SDK2: variants seen among roughly 807,000 people sequenced by gnomAD.
SDK2 encodes protein sidekick-2.
Under a neutral mutation model 253.9 loss-of-function variants are expected in SDK2, and 105 were observed. The observed-to-expected ratio is 0.41, with a 90% CI of 0.35 to 0.49. SDK2 has a LOEUF of 0.49. Among genes scored for constraint, SDK2 ranks in the 20% least tolerant of loss-of-function variants. The probability of loss-of-function intolerance (pLI) is 0.06; values close to 1 mark genes in which losing one functional copy is unlikely to be tolerated. For synonymous variants in SDK2, 1,249 were observed against 1,234.9 expected, an observed-to-expected ratio of 1.01 and a Z score of -0.24; for missense variants, 2,608 against 3,003.0, an observed-to-expected ratio of 0.87 and a Z score of 3.07.
At chr17:73,544,613 G>A (rs918922905) in intron 1 of SDK2, among the ~76,000 whole-genome samples, 4 of 152,118 alleles carry the variant, frequency 2.6e-5, no homozygotes, top group Non-Finnish European at 4.4e-5. Flanking sequence ...ATGGACAGAT[G>A]GATAATGGAT....
At chr17:73,423,575 C>T (rs776096418) in intron 13 of SDK2, 53 bp from the exon 14 acceptor site, 98 of 1,461,520 alleles carry the variant, frequency 6.7e-5, no homozygotes, top group Admixed American at 9.2e-5. Flanking sequence ...AGGCAGGTGA[C>T]GGGGGCGCTG....
chr17:73,516,978 G>A (rs966555022), intron 1 of SDK2: 2 of 152,180 alleles, frequency 1.3e-5, no homozygotes, highest in African/African-American at 4.8e-5. Flanking sequence ...AAGGAGGGCT[G>A]TGTGCCCTGG....
rs1055687241 is a variant in SDK2 at position 73,383,074 on chromosome 17, G to A, written c.4705+802C>T. ...AAACCTCAAGTCCTGGAGCATCTGC[G>A]CCCATCACATATCATCTCCCATACT... On this transcript the variant is annotated intron_variant, in intron 33 of 44. Transcript: ENST00000392650. The surrounding 1 kb of genome is among the most constrained non-coding windows in gnomAD (Gnocchi z 4.3). 5.3e-5 allele frequency among the ~76,000 whole-genome samples: 8 copies of A among 152,052 alleles called. No individual in the cohort carries two copies. The highest frequency in any genetic ancestry group is 7.2e-5 in the African/African-American group (3 of 41,404).
chr17:73,584,413 C>T (rs1291379626), intron 1 of SDK2, among the ~76,000 whole-genome samples: 1 of 152,214 alleles, frequency 6.6e-6, no homozygotes, highest in Non-Finnish European at 1.5e-5. Flanking sequence ...CCTCTCAGTG[C>T]TTTCCAGACC....
intron 1 of SDK2, among the ~76,000 whole-genome samples, chr17:73,597,851 C>T (rs549505318): frequency 5.9e-5 from 9 of 152,006 alleles, no homozygotes; most frequent in Admixed American, 1.3e-4. Flanking sequence ...TTCACTGTGT[C>T]AGCCAGGATG....
intron 1 of SDK2, among the ~76,000 whole-genome samples, chr17:73,515,718 C>T (rs2064020927): frequency 6.6e-6 from 1 of 152,218 alleles, no homozygotes; most frequent in Non-Finnish European, 1.5e-5. Context: ...CAGCCCTGCT[C>T]CCGAGGAACC....
At chr17:73,525,618 T>A (rs1193224107) in intron 1 of SDK2, among the ~76,000 whole-genome samples, 1 of 152,006 alleles carries the variant, frequency 6.6e-6, no homozygotes, top group Non-Finnish European at 1.5e-5. Flanking sequence ...CACCACCACC[T>A]CCTCTGCCTC....
intron 1 of SDK2, among the ~76,000 whole-genome samples, chr17:73,572,911 C>T (rs370779873): frequency 6.6e-6 from 1 of 152,188 alleles, no homozygotes. Context: ...CGTCAAACAC[C>T]CAGCATGCTC....
chr17:73,380,104 G>A (rs569180653), intron 34 of SDK2, among the ~76,000 whole-genome samples: 2 of 152,214 alleles, frequency 1.3e-5, no homozygotes, highest in Admixed American at 6.5e-5. Context: ...TGCAAGAAAC[G>A]GGCGCAGTCA....
chr17:73,470,985 G>A (rs1487338061), intron 3 of SDK2, among the ~76,000 whole-genome samples: 4 of 152,218 alleles, frequency 2.6e-5, no homozygotes, highest in Admixed American at 2.0e-4. Context: ...CTTAGGGGAA[G>A]AGTGTCGGTT....
rs1396003641 is a variant in SDK2, at chr17:73,643,676, C to G, written c.64+349G>C. On this transcript the variant is annotated intron_variant, in intron 1 of 44. Coordinates refer to ENST00000392650, the MANE Select transcript of SDK2 (RefSeq NM_001144952.2). This position sits in a 1 kb window ranked among gnomAD's most constrained non-coding sequence, Gnocchi z 6.9. ...GTCTGGGAAGCTCAGCGTAGCCGAG[C>G]GTGGAGCCCGGCACGGAATGTCGCT... Among the ~76,000 whole-genome samples, 1 of 152,104 alleles carries G rather than the reference C, an allele frequency of 6.6e-6. No homozygotes were observed. Among genetic ancestry groups the G allele is most frequent in the African/African-American group, 2.4e-5 (1 of 41,438 alleles).
intron 36 of SDK2, chr17:73,369,035 G>C: frequency 3.0e-6 from 1 of 338,344 alleles, no homozygotes; most frequent in South Asian, 2.4e-5. Flanking sequence ...AAGAATTTAA[G>C]AACTGTTTTA....
At chr17:73,396,984 T>C (rs1277109264) in intron 24 of SDK2, among the ~76,000 whole-genome samples, 3 of 152,248 alleles carry the variant, frequency 2.0e-5, no homozygotes, top group East Asian at 1.9e-4. Context: ...AGCGCTTTCA[T>C]GGCCGCTAGC....
chr17:73,348,755 G>A, intron 43 of SDK2, 30 bp from the exon 44 acceptor site: 3 of 1,590,430 alleles, frequency 1.9e-6, no homozygotes, highest in South Asian at 2.2e-5. Flanking sequence ...GGGGCCGAGA[G>A]GTGCACTCAC....
At chr17:73,364,591 T>A (rs560509176) in intron 38 of SDK2, among the ~76,000 whole-genome samples, 1 of 152,240 alleles carries the variant, frequency 6.6e-6, no homozygotes, top group Admixed American at 6.5e-5. Context: ...AAGGGCAAAG[T>A]AGGACCCTCA....
At chr17:73,477,613 A>C (rs2063695187) in intron 2 of SDK2, among the ~76,000 whole-genome samples, 1 of 152,214 alleles carries the variant, frequency 6.6e-6, no homozygotes, top group African/African-American at 2.4e-5. Context: ...AATGCTTGCC[A>C]AGTGAAGGGG....
At chr17:73,509,940 A>AAAAAAG (rs2063967353) in intron 1 of SDK2, among the ~76,000 whole-genome samples, 1 of 148,604 alleles carries the variant, frequency 6.7e-6, no homozygotes, top group Non-Finnish European at 1.5e-5. Context: ...AGAAAGAAAA[A>AAAAAAG]GTAAAAGAGA....
chr17:73,338,095 AGAGAG>A lies in SDK2; in HGVS notation c.*487_*491del. On this transcript the variant is annotated 3_prime_UTR_variant, in exon 45 of 45. Transcript: ENST00000392650. The surrounding 1 kb of genome is among the most constrained non-coding windows in gnomAD (Gnocchi z 5.0). ...GGTGCATGGAGGGAAGGAGGAGCAG[AGAGAG>A]AAGATAGGCGTGGCCTCCGGGATGC... 4.1e-6 allele frequency: 1 copy of A among 245,132 alleles called. No individual in the cohort carries two copies. Among genetic ancestry groups the A allele is most frequent in the Non-Finnish European group, 8.2e-6 (1 of 122,108 alleles). The allele number at this position is 245,132 out of a possible 1,614,324, so 15.2% of individuals were successfully genotyped here.
chr17:73,526,456 A>C (rs982645223), intron 1 of SDK2, among the ~76,000 whole-genome samples: 1 of 152,176 alleles, frequency 6.6e-6, no homozygotes, highest in Non-Finnish European at 1.5e-5. Context: ...TCTGCTTTGG[A>C]GGAGAAAATG....
Sources: allele counts gnomAD v4.1 joint callset (sites outside exome capture counted in the v4.1 genomes callset), GRCh38; gene constraint gnomAD v4.1.1; non-coding constraint Gnocchi (gnomAD v3.1); transcripts MANE v1.5; gene names NCBI Gene and HGNC (gene_info 2026-07-23, HGNC 2026-07-21).